DPP10: variants seen among roughly 807,000 people sequenced by gnomAD.
DPP10 encodes dipeptidyl peptidase like 10.
Under a neutral mutation model 120.9 loss-of-function variants are expected in DPP10, and 33 were observed. That is an observed-to-expected ratio of 0.27 (90% CI 0.21 to 0.37). DPP10 has a LOEUF of 0.37. DPP10 is among the 10% of genes least tolerant of loss of function. DPP10 has a pLI of 1.00. For synonymous variants in DPP10, 337 were observed against 326.1 expected, an observed-to-expected ratio of 1.03 and a Z score of -0.36; for missense variants, 816 against 942.8, an observed-to-expected ratio of 0.87 and a Z score of 1.76.
intron 1 of DPP10, among the ~76,000 whole-genome samples, chr2:114,862,376 T>C (rs1177884374): frequency 6.6e-6 from 1 of 152,178 alleles, no homozygotes; most frequent in Non-Finnish European, 1.5e-5. Flanking sequence ...TGCTATTTCC[T>C]TCCAATGTTA....
At chr2:115,102,927 C>A (rs956806856) in intron 1 of DPP10, among the ~76,000 whole-genome samples, 6 of 152,152 alleles carry the variant, frequency 3.9e-5, no homozygotes, top group African/African-American at 1.4e-4. Context: ...ACACTGAAAA[C>A]TGTGGAAAGA....
At chr2:115,301,834 A>G (rs2061151062) in intron 1 of DPP10, among the ~76,000 whole-genome samples, 1 of 151,998 alleles carries the variant, frequency 6.6e-6, no homozygotes, top group South Asian at 2.1e-4. Context: ...CTAAATCGTG[A>G]TGCTAAAAGT....
At chr2:115,451,429 T>A (rs1346055853) in intron 3 of DPP10, among the ~76,000 whole-genome samples, 1 of 151,974 alleles carries the variant, frequency 6.6e-6, no homozygotes, top group Non-Finnish European at 1.5e-5. Flanking sequence ...CTGCCAAGTG[T>A]TGCAGACAAA....
chr2:115,150,408 G>A (rs1388448798), intron 1 of DPP10, among the ~76,000 whole-genome samples: 6 of 152,116 alleles, frequency 3.9e-5, no homozygotes, highest in African/African-American at 7.2e-5. Context: ...AAGCCTTGGC[G>A]ATTAGAGAGT....
chr2:114,876,196 TA>T (rs1691143641), intron 1 of DPP10, among the ~76,000 whole-genome samples: 1 of 152,154 alleles, frequency 6.6e-6, no homozygotes, highest in East Asian at 1.9e-4. Context: ...AACGATCCTC[TA>T]AGATATTATG....
At chr2:114,838,464 T>C (rs10185457) in intron 1 of DPP10, among the ~76,000 whole-genome samples, 23,964 of 151,890 alleles carry the variant, frequency 0.16, 2,325 homozygotes, top group African/African-American at 0.28. Context: ...AGCTGTGAGC[T>C]ACCACGCCTA....
In DPP10 at chr2:115,462,572, C is replaced by T. The variant is rs533261609; in HGVS notation, c.272-36938C>T. ...CCTCTTCAATAGCAATTATAGAACC[C>T]GACCATATTTAATAAGTTTATTTAA... is the stretch of plus-strand genomic sequence containing the variant. On this transcript the variant is annotated intron_variant, in intron 3 of 25. Coordinates refer to ENST00000410059, the MANE Select transcript of DPP10 (RefSeq NM_020868.6). Among the ~76,000 whole-genome samples the T allele has an allele frequency of 1.8e-4, 28 of 152,164 alleles. No homozygotes were observed. In the South Asian group the frequency reaches 5.4e-3, roughly 29 times the overall value.
At chr2:115,737,774 T>G (rs933467792) in intron 8 of DPP10, among the ~76,000 whole-genome samples, 21 of 152,322 alleles carry the variant, frequency 1.4e-4, no homozygotes, top group African/African-American at 4.6e-4. Flanking sequence ...TCCTCTTTAC[T>G]TTTACATAAG....
intron 4 of DPP10, among the ~76,000 whole-genome samples, chr2:115,505,047 A>T (rs1033989913): frequency 2.6e-5 from 4 of 152,074 alleles, no homozygotes; most frequent in Admixed American, 1.3e-4. Flanking sequence ...ATTATGAAGG[A>T]TCTAGAAATT....
intron 5 of DPP10, among the ~76,000 whole-genome samples, chr2:115,560,618 T>C (rs4849409): frequency 6.9e-6 from 1 of 145,014 alleles, no homozygotes. Flanking sequence ...AGATCAGAAA[T>C]TTTTTTTTTA....
chr2:115,774,709 A>G (rs1282212184), intron 13 of DPP10, among the ~76,000 whole-genome samples: 1 of 152,134 alleles, frequency 6.6e-6, no homozygotes, highest in East Asian at 1.9e-4. Flanking sequence ...TCCACTAAGA[A>G]CATAAAATAG....
chr2:115,286,530 T>TATATATATATATATATA (rs1559366961), intron 1 of DPP10, among the ~76,000 whole-genome samples: 2 of 114,558 alleles, frequency 1.7e-5, no homozygotes, highest in Non-Finnish European at 3.7e-5. Context: ...ATATATAATA[T>TATATATATATATATATA]ATATATATAT....
intron 1 of DPP10, among the ~76,000 whole-genome samples, chr2:115,286,655 G>A (rs1333421485): frequency 6.8e-6 from 1 of 147,832 alleles, no homozygotes; most frequent in Non-Finnish European, 1.5e-5. Context: ...AGGAGGTAAG[G>A]GTGTGGATTA....
At chr2:115,172,643 C>T (rs192483652) in intron 1 of DPP10, among the ~76,000 whole-genome samples, 1 of 152,290 alleles carries the variant, frequency 6.6e-6, no homozygotes, top group East Asian at 1.9e-4. Context: ...TCTGATGCTT[C>T]ATCTGAAAAT....
At chr2:114,597,241 G>GTAC (rs1011884190) in intron 1 of DPP10, among the ~76,000 whole-genome samples, 4 of 151,968 alleles carry the variant, frequency 2.6e-5, no homozygotes, top group Non-Finnish European at 5.9e-5. Context: ...GAGTAATTTG[G>GTAC]TACTGTTGGG....
intron 1 of DPP10, among the ~76,000 whole-genome samples, chr2:115,280,262 C>A (rs2060104045): frequency 6.6e-6 from 1 of 152,114 alleles, no homozygotes; most frequent in Non-Finnish European, 1.5e-5. Context: ...TCTATGTCTT[C>A]TACTTTTAGG....
At chr2:114,460,395 T>A (rs1678832114) in intron 1 of DPP10, among the ~76,000 whole-genome samples, 1 of 152,326 alleles carries the variant, frequency 6.6e-6, no homozygotes, top group African/African-American at 2.4e-5. Context: ...GATTAGCTGA[T>A]ATAGCTAGGG....
chr2:114,468,854 C>T (rs796500905), intron 1 of DPP10, among the ~76,000 whole-genome samples: 8 of 152,158 alleles, frequency 5.3e-5, no homozygotes, highest in East Asian at 1.9e-4. Context: ...ATTGAAATAT[C>T]GCATTTCATT....
intron 1 of DPP10, among the ~76,000 whole-genome samples, chr2:114,548,814 G>A (rs1301362112): frequency 6.6e-6 from 1 of 152,094 alleles, no homozygotes; most frequent in East Asian, 1.9e-4. Context: ...CTTGTAATGG[G>A]TGAAGAAAAA....
Sources: allele counts gnomAD v4.1 joint callset (sites outside exome capture counted in the v4.1 genomes callset), GRCh38; gene constraint gnomAD v4.1.1; transcripts MANE v1.5; gene names NCBI Gene and HGNC (gene_info 2026-07-23, HGNC 2026-07-21).